Variants in IMMP2L observed in about 807,000 individuals in gnomAD.
The protein encoded by IMMP2L is inner mitochondrial membrane peptidase subunit 2.
Under a neutral mutation model 19.3 loss-of-function variants are expected in IMMP2L, and 18 were observed. That is an observed-to-expected ratio of 0.93 (90% CI 0.64 to 1.38). The LOEUF is 1.38. Among genes scored for constraint, IMMP2L ranks in the 40% most tolerant of loss-of-function variants. IMMP2L has a pLI of 0.00. For synonymous variants in IMMP2L, 76 were observed against 73.0 expected (o/e 1.04, Z -0.21); for missense variants, 233 against 218.2 (o/e 1.07, Z -0.43).
chr7:110,969,711 C>A (rs1244118868), intron 3 of IMMP2L, among the ~76,000 whole-genome samples: 2 of 152,050 alleles, frequency 1.3e-5, no homozygotes, highest in Non-Finnish European at 2.9e-5. Context: ...GTGACTTACA[C>A]AGTCTCATTT....
chr7:111,372,293 T>G (rs1830323548), intron 3 of IMMP2L, among the ~76,000 whole-genome samples: 1 of 151,934 alleles, frequency 6.6e-6, no homozygotes. Flanking sequence ...ATAAAAAATT[T>G]GAAAAAAATA....
chr7:110,676,735 A>T (rs1206913514), intron 5 of IMMP2L, among the ~76,000 whole-genome samples: 1 of 152,200 alleles, frequency 6.6e-6, no homozygotes, highest in Non-Finnish European at 1.5e-5. Flanking sequence ...ACAGCAATCT[A>T]TCCCTACAAA....
At chr7:111,087,464 A>AG (rs1223268686) in intron 3 of IMMP2L, among the ~76,000 whole-genome samples, 1 of 151,916 alleles carries the variant, frequency 6.6e-6, no homozygotes, top group African/African-American at 2.4e-5. Context: ...AAGAAAAAAA[A>AG]AAAAAAACAA....
chr7:110,917,768 C>A (rs906077374), intron 4 of IMMP2L, among the ~76,000 whole-genome samples: 1 of 151,890 alleles, frequency 6.6e-6, no homozygotes, highest in Non-Finnish European at 1.5e-5. Context: ...ATTATCTACT[C>A]AAAAATAAAT....
chr7:111,368,969 T>C (rs769346639), intron 3 of IMMP2L, among the ~76,000 whole-genome samples: 28 of 152,098 alleles, frequency 1.8e-4, no homozygotes, highest in Middle Eastern at 3.4e-3. Flanking sequence ...TCAAGTTTTG[T>C]TATATTCATA....
At chr7:111,092,984 T>C (rs1039815850) in intron 3 of IMMP2L, among the ~76,000 whole-genome samples, 1 of 152,184 alleles carries the variant, frequency 6.6e-6, no homozygotes, top group African/African-American at 2.4e-5. Context: ...GTTTGTAATA[T>C]AAGCCAAAGC....
intron 3 of IMMP2L, among the ~76,000 whole-genome samples, chr7:111,421,634 G>A (rs535418194): frequency 6.6e-6 from 1 of 151,706 alleles, no homozygotes; most frequent in East Asian, 1.9e-4. Context: ...TTTGTCAGAC[G>A]GGTAGATTGC....
At chr7:111,507,723 C>T (rs1392868260) in intron 2 of IMMP2L, among the ~76,000 whole-genome samples, 1 of 152,110 alleles carries the variant, frequency 6.6e-6, no homozygotes, top group African/African-American at 2.4e-5. Flanking sequence ...CACTCCAAAA[C>T]TATATGTCTA....
chr7:110,907,548 G>A (rs1287599037), intron 4 of IMMP2L, among the ~76,000 whole-genome samples: 1 of 100,600 alleles, frequency 9.9e-6, no homozygotes, highest in Non-Finnish European at 1.8e-5. Context: ...CAACATTCAA[G>A]TGGGAAAACA....
At chr7:111,425,282 G>GTTGGGCCAGAAGTTCAGACTCAAGAT (rs1835960699) in intron 3 of IMMP2L, among the ~76,000 whole-genome samples, 4 of 145,336 alleles carry the variant, frequency 2.8e-5, no homozygotes, top group Non-Finnish European at 4.7e-5. Context: ...AGGACCATGA[G>GTTGGGCCAGAAGTTCAGACTCAAGAT]AGGACTTTCT....
rs374621101 is a variant in IMMP2L, at chr7:110,696,425, CTTTTT to C, written c.409-32709_409-32705del. Among the ~76,000 whole-genome samples, 3 of 119,858 alleles carry C rather than the reference CTTTTT, an allele frequency of 2.5e-5. No individual in the cohort carries two copies. The Admixed American group carries it at 2.9e-4, about 12-fold the overall frequency. 78.6% of individuals were successfully genotyped at this position (119,858 alleles called of 152,430 possible). ...TCTGCACTGAGACATTCCTTTTTCT[CTTTTT>C]TTTTTTTTTTTTTTGAGACAGAGTC... On this transcript the variant is annotated intron_variant, in intron 5 of 5. Coordinates refer to ENST00000405709, the MANE Select transcript of IMMP2L (RefSeq NM_032549.4).
intron 3 of IMMP2L, among the ~76,000 whole-genome samples, chr7:111,136,631 C>G (rs1443499695): frequency 1.3e-5 from 2 of 152,130 alleles, no homozygotes; most frequent in East Asian, 3.9e-4. Context: ...ATGCAGTCCT[C>G]CAGGTGTGCT....
At chr7:111,549,319 C>A (rs573182187) in intron 1 of IMMP2L, among the ~76,000 whole-genome samples, 27 of 152,196 alleles carry the variant, frequency 1.8e-4, no homozygotes, top group African/African-American at 6.3e-4. Flanking sequence ...TCAAAAATAA[C>A]CCATGAAGTA....
intron 3 of IMMP2L, among the ~76,000 whole-genome samples, chr7:111,445,841 T>A (rs1245555880): frequency 6.6e-6 from 1 of 152,124 alleles, no homozygotes; most frequent in Non-Finnish European, 1.5e-5. Flanking sequence ...CGCAGGCCAG[T>A]GGGTGCGCGC....
intron 5 of IMMP2L, among the ~76,000 whole-genome samples, chr7:110,813,339 G>T (rs1478101283): frequency 6.6e-6 from 1 of 151,676 alleles, no homozygotes; most frequent in East Asian, 1.9e-4. Context: ...TTACCATTTT[G>T]CAACATTACT....
chr7:110,901,283 T>G (rs78509008), intron 4 of IMMP2L, among the ~76,000 whole-genome samples: 1 of 152,136 alleles, frequency 6.6e-6, no homozygotes, highest in African/African-American at 2.4e-5. Flanking sequence ...TGTGCCTGTA[T>G]GTATTTTCAA....
intron 3 of IMMP2L, among the ~76,000 whole-genome samples, chr7:111,451,676 A>G (rs1164275616): frequency 1.3e-5 from 2 of 151,022 alleles, no homozygotes; most frequent in African/African-American, 4.9e-5. Context: ...ACTAACCTGC[A>G]CAATGTGCAC....
At chr7:111,045,102 A>G (rs1354171702) in intron 3 of IMMP2L, among the ~76,000 whole-genome samples, 1 of 152,218 alleles carries the variant, frequency 6.6e-6, no homozygotes, top group Non-Finnish European at 1.5e-5. Context: ...CACAGATTCC[A>G]CTTTCAGCTT....
chr7:110,835,992 G>A (rs1804427155), intron 5 of IMMP2L, among the ~76,000 whole-genome samples: 1 of 152,046 alleles, frequency 6.6e-6, no homozygotes, highest in Non-Finnish European at 1.5e-5. Flanking sequence ...ACTGTCATTT[G>A]TAGCTAGAAG....
Sources: allele counts gnomAD v4.1 joint callset (sites outside exome capture counted in the v4.1 genomes callset), GRCh38; gene constraint gnomAD v4.1.1; transcripts MANE v1.5; gene names NCBI Gene and HGNC (gene_info 2026-07-23, HGNC 2026-07-21).